Variants in HECW1 observed in about 807,000 individuals in gnomAD.
HECW1 encodes the protein E3 ubiquitin-protein ligase HECW1.
In HECW1, 61 loss-of-function variants were observed where a neutral mutation model predicts 182.3. That is an observed-to-expected ratio of 0.33 (90% CI 0.27 to 0.41). The LOEUF is 0.41. Among genes scored for constraint, HECW1 ranks in the 10% least tolerant of loss-of-function variants. HECW1 has a pLI of 1.00. For missense variants in HECW1, 1,739 were observed against 2,108.9 expected (o/e 0.82, Z 3.44); for synonymous variants, 859 against 832.6 (o/e 1.03, Z -0.55).
chr7:43,280,063 A>G (rs1329452442), intron 3 of HECW1, among the ~76,000 whole-genome samples: 1 of 152,154 alleles, frequency 6.6e-6, no homozygotes, highest in Non-Finnish European at 1.5e-5. Context: ...TCAGCATGGA[A>G]AGGGAGTGGT....
chr7:43,335,799 C>A (rs1370571679), intron 5 of HECW1, among the ~76,000 whole-genome samples: 1 of 117,962 alleles, frequency 8.5e-6, no homozygotes, highest in Non-Finnish European at 1.8e-5. Context: ...TTCCTTCCTT[C>A]CATCTCTTTC....
chr7:43,558,036 C>T (rs1019466593), intron 29 of HECW1, among the ~76,000 whole-genome samples: 8 of 152,176 alleles, frequency 5.3e-5, no homozygotes, highest in Non-Finnish European at 1.2e-4. Flanking sequence ...AATGTCCATC[C>T]ACGTCACAGC....
chr7:43,348,656 A>G (rs2152804730), intron 5 of HECW1, among the ~76,000 whole-genome samples: 1 of 152,184 alleles, frequency 6.6e-6, no homozygotes, highest in South Asian at 2.1e-4. Context: ...AGGGCTGTGA[A>G]CTTTCCTCTT....
Position 43,471,144 on chromosome 7 carries a change from A to G in HECW1, c.3099+2039A>G, listed in dbSNP as rs74449390. Among the ~76,000 whole-genome samples the G allele has an allele frequency of 4.2e-3, 639 of 152,374 alleles. 2 individuals carry two copies. The highest frequency in any genetic ancestry group is 7.3e-3 in the Non-Finnish European group (497 of 68,036). On this transcript the variant is annotated intron_variant, in intron 16 of 29. Coordinates refer to ENST00000395891, the MANE Select transcript of HECW1 (RefSeq NM_015052.5). ...CTTTCTCTTAATGTCCCCAAAAATAATCCAAGATCAAGATTGTGAAGTGGG... is the reference window on the plus strand; with the variant it reads ...CTTTCTCTTAATGTCCCCAAAAATAGTCCAAGATCAAGATTGTGAAGTGGG...
At chr7:43,215,012 C>G (rs1271437031) in intron 2 of HECW1, among the ~76,000 whole-genome samples, 3 of 152,198 alleles carry the variant, frequency 2.0e-5, no homozygotes, top group Non-Finnish European at 2.9e-5. Context: ...GTAGCCTACC[C>G]CTTTTGGGTA....
intron 3 of HECW1, among the ~76,000 whole-genome samples, chr7:43,285,631 A>G (rs2152750897): frequency 6.6e-6 from 1 of 152,210 alleles, no homozygotes; most frequent in East Asian, 1.9e-4. Flanking sequence ...GCAACATGGC[A>G]AGACCCCATC....
chr7:43,283,297 G>A (rs899939978), intron 3 of HECW1, among the ~76,000 whole-genome samples: 3 of 152,130 alleles, frequency 2.0e-5, no homozygotes, highest in Admixed American at 6.5e-5. Context: ...AGTGAACACC[G>A]GAGTTTTTCA....
At chr7:43,210,868 G>C (rs954871361) in intron 2 of HECW1, among the ~76,000 whole-genome samples, 1 of 152,200 alleles carries the variant, frequency 6.6e-6, no homozygotes, top group Non-Finnish European at 1.5e-5. Flanking sequence ...GGTGGACGGC[G>C]AGCGAAAGCT....
intron 17 of HECW1, 24 bp downstream of exon 17, chr7:43,479,768 T>G (rs951101405): frequency 8.6e-5 from 138 of 1,612,576 alleles, no homozygotes; most frequent in Non-Finnish European, 1.1e-4. Flanking sequence ...CACCCCGCCC[T>G]ACTGTTCACC....
intron 2 of HECW1, among the ~76,000 whole-genome samples, chr7:43,169,472 C>T (rs6944804): frequency 0.57 from 86,447 of 151,888 alleles, 25,186 homozygotes; most frequent in African/African-American, 0.62. Flanking sequence ...GGAGATACAC[C>T]CTTTTCCCCA....
At chr7:43,177,600 C>T (rs968323852) in intron 2 of HECW1, among the ~76,000 whole-genome samples, 2 of 152,244 alleles carry the variant, frequency 1.3e-5, no homozygotes, top group Non-Finnish European at 2.9e-5. Context: ...AGCCCTGGCT[C>T]TGCTACTTGT....
At chr7:43,188,179 T>C (rs1015502236) in intron 2 of HECW1, among the ~76,000 whole-genome samples, 4 of 152,220 alleles carry the variant, frequency 2.6e-5, no homozygotes, top group African/African-American at 7.2e-5. Flanking sequence ...TCAGCCCCAT[T>C]CATTCCAAGT....
intron 7 of HECW1, among the ~76,000 whole-genome samples, chr7:43,398,284 TA>T (rs922008176): frequency 7.9e-5 from 12 of 151,926 alleles, no homozygotes; most frequent in Non-Finnish European, 4.4e-5. Context: ...ATAAAATAAA[TA>T]AAAGTTTAAA....
intron 5 of HECW1, among the ~76,000 whole-genome samples, chr7:43,349,440 G>T (rs1290601924): frequency 6.6e-6 from 1 of 152,186 alleles, no homozygotes; most frequent in African/African-American, 2.4e-5. Context: ...CCTGTCTAGT[G>T]CTGTCAGTGA....
At chr7:43,138,580 A>G (rs1231279437) in intron 2 of HECW1, among the ~76,000 whole-genome samples, 1 of 152,144 alleles carries the variant, frequency 6.6e-6, no homozygotes, top group African/African-American at 2.4e-5. Flanking sequence ...TGCACAGTCT[A>G]TTTACCACCC....
At chr7:43,254,288 T>C (rs1407523081) in intron 3 of HECW1, among the ~76,000 whole-genome samples, 2 of 151,568 alleles carry the variant, frequency 1.3e-5, no homozygotes, top group Non-Finnish European at 2.9e-5. Flanking sequence ...CCACTGAGAG[T>C]AAAATAATGA....
chr7:43,404,659 A>C (rs1207013755), intron 7 of HECW1, among the ~76,000 whole-genome samples: 1 of 152,192 alleles, frequency 6.6e-6, no homozygotes, highest in East Asian at 1.9e-4. Context: ...ATTTTTATAA[A>C]AAGACAATAT....
intron 4 of HECW1, among the ~76,000 whole-genome samples, chr7:43,319,506 C>G (rs1465939635): frequency 1.3e-5 from 2 of 150,526 alleles, no homozygotes; most frequent in Non-Finnish European, 3.0e-5. Flanking sequence ...CGTCTCCTCC[C>G]TCAGTGCTCT....
chr7:43,211,355 A>G (rs1795990955), intron 2 of HECW1, among the ~76,000 whole-genome samples: 1 of 152,214 alleles, frequency 6.6e-6, no homozygotes, highest in Non-Finnish European at 1.5e-5. Flanking sequence ...CATCTGACAC[A>G]TCACCTTTCT....
Sources: gnomAD v4.1 joint callset for allele counts (sites outside exome capture counted in the v4.1 genomes callset) on GRCh38, gnomAD v4.1.1 for gene constraint, MANE v1.5 for transcripts, NCBI Gene and HGNC (gene_info 2026-07-23, HGNC 2026-07-21) for gene names.